Variants in GRK5 observed in about 807,000 individuals in gnomAD.
GRK5 encodes G protein-coupled receptor kinase 5, also known as g protein-coupled receptor kinase GRK5.
GRK5 carries 40 observed loss-of-function variants against 78.4 expected under a neutral mutation model. The ratio of observed to expected loss-of-function variants is 0.51; its 90% CI spans 0.40 to 0.66. GRK5 has a LOEUF of 0.66. Among genes scored for constraint, GRK5 ranks in the 30% least tolerant of loss-of-function variants. The pLI, the probability that GRK5 is intolerant of heterozygous loss-of-function variation, is 0.00. For missense variants in GRK5, 598 were observed against 759.9 expected (o/e 0.79, Z 2.50); for synonymous variants, 289 against 296.8 (o/e 0.97, Z 0.27).
chr10:119,253,812 T>G lies in GRK5; in HGVS notation c.52+45843T>G, dbSNP rs1589703579. Among the ~76,000 whole-genome samples the G allele has an allele frequency of 6.6e-6, 1 of 152,080 alleles. No individual in the cohort carries two copies. The highest frequency in any genetic ancestry group is 1.9e-4 in the East Asian group (1 of 5,158). ...CTGGGGTGGGGGGCTGGAGGTTGTT[T>G]AGTGTTTGGGTTCCTGGTGGTTCTT... On this transcript the variant is annotated intron_variant, in intron 1 of 15. Transcript: ENST00000392870. This position sits in a 1 kb window ranked among gnomAD's most constrained non-coding sequence, Gnocchi z 5.7.
chr10:119,274,240 C>T (rs1397325054), intron 1 of GRK5, among the ~76,000 whole-genome samples: 2 of 152,126 alleles, frequency 1.3e-5, no homozygotes, highest in African/African-American at 4.8e-5. Flanking sequence ...GACCCGGTGA[C>T]ATGGGAGACT....
Position 119,430,230 on chromosome 10 carries a change from A to C in GRK5, c.534-145A>C. The C allele has an allele frequency of 1.4e-6, 1 of 719,002 alleles. No individual in the cohort carries two copies. The allele number at this position is 719,002 out of a possible 1,614,324, so 44.5% of individuals were successfully genotyped here. On this transcript the variant is annotated intron_variant, in intron 6 of 15. Coordinates refer to ENST00000392870, the MANE Select transcript of GRK5 (RefSeq NM_005308.3). The surrounding 1 kb of genome is among the most constrained non-coding windows in gnomAD (Gnocchi z 4.5). Reference sequence around the variant, plus strand: ...CTAAGTCCTCGAAGGTCCAGTCTCCAGCGATGATTCCTGGGGGGTCCCTGG... The same window carrying C: ...CTAAGTCCTCGAAGGTCCAGTCTCCCGCGATGATTCCTGGGGGGTCCCTGG...
intron 2 of GRK5, among the ~76,000 whole-genome samples, chr10:119,351,167 T>C (rs1240713333): frequency 6.6e-6 from 1 of 152,194 alleles, no homozygotes; most frequent in African/African-American, 2.4e-5. Context: ...ACTGCAACAG[T>C]AATTCCACTA....
At chr10:119,443,888 C>A in intron 12 of GRK5, 136 bp downstream of exon 12, 1 of 745,606 alleles carries the variant, frequency 1.3e-6, no homozygotes, top group Non-Finnish European at 2.1e-6. Flanking sequence ...TGCAGCCCAC[C>A]AAGCTAGAGT....
chr10:119,333,959 C>A, intron 2 of GRK5: 1 of 434,674 alleles, frequency 2.3e-6, no homozygotes, highest in South Asian at 1.7e-5. Context: ...CTTAAAGGAT[C>A]TCTCTGCGAG....
chr10:119,220,696 A>T (rs1301636054), intron 1 of GRK5, among the ~76,000 whole-genome samples: 5 of 151,376 alleles, frequency 3.3e-5, no homozygotes, highest in African/African-American at 1.2e-4. Flanking sequence ...TTAGCCAGGC[A>T]TGGTGGCACG....
intron 1 of GRK5, among the ~76,000 whole-genome samples, chr10:119,275,613 GCACACACACACACACACA>G (rs796867686): frequency 5.6e-4 from 68 of 120,756 alleles, no homozygotes; most frequent in African/African-American, 1.8e-3. Flanking sequence ...TCTCTCTCTC[GCACACACACACACACACA>G]CACACACACA....
chr10:119,235,775 T>G (rs1049687031), intron 1 of GRK5, among the ~76,000 whole-genome samples: 15 of 152,204 alleles, frequency 9.9e-5, no homozygotes, highest in African/African-American at 3.6e-4. Context: ...ACAGGGCCTG[T>G]GTCTTTTTAT....
Position 119,431,319 on chromosome 10 carries a change from G to T in GRK5, c.598-68G>T. 3 of 1,536,316 alleles carry T rather than the reference G, an allele frequency of 2.0e-6. No homozygotes were observed. Among genetic ancestry groups the T allele is most frequent in the Non-Finnish European group, 2.6e-6 (3 of 1,141,588 alleles). ...TCTACCTGGGAGGCCTGTGGTCCCC[G>T]CCCTGGAGGAGCTCGGGGCAGGCCT... On this transcript the variant is annotated intron_variant, in intron 7 of 15. Coordinates refer to ENST00000392870, the MANE Select transcript of GRK5 (RefSeq NM_005308.3). This position sits in a 1 kb window ranked among gnomAD's most constrained non-coding sequence, Gnocchi z 4.8.
intron 2 of GRK5, chr10:119,335,129 C>CCCCTCTCT (rs1850852439): frequency 1.0e-4 from 1 of 9,872 alleles, no homozygotes; most frequent in Non-Finnish European, 1.8e-4. Flanking sequence ...GCCTGCCTTG[C>CCCCTCTCT]CTCTCTCTCT....
In GRK5 at chr10:119,267,974, C is replaced by T. The variant is rs368414725; in HGVS notation, c.53-58542C>T. On this transcript the variant is annotated intron_variant, in intron 1 of 15. Transcript: ENST00000392870. This position sits in a 1 kb window ranked among gnomAD's most constrained non-coding sequence, Gnocchi z 4.1. ...CCTGAGGACAAGAGGAAGAGGAGGACGGAGTCTCCCTTGTTTGTGCTGATT... is the reference window on the plus strand; with the variant it reads ...CCTGAGGACAAGAGGAAGAGGAGGATGGAGTCTCCCTTGTTTGTGCTGATT... Among the ~76,000 whole-genome samples the T allele has an allele frequency of 3.9e-5, 6 of 152,112 alleles. No individual in the cohort carries two copies. The highest frequency in any genetic ancestry group is 3.9e-4 in the East Asian group (2 of 5,192).
chr10:119,363,466 T>C lies in GRK5; in HGVS notation c.149-17349T>C, dbSNP rs148058285. Among the ~76,000 whole-genome samples the C allele has an allele frequency of 4.4e-4, 67 of 152,316 alleles. 1 individual carries two copies. Among genetic ancestry groups the C allele is most frequent in the Admixed American group, 3.3e-3 (51 of 15,306 alleles). Reference sequence around the variant, plus strand: ...GTACGTGGTTGTAGAAGGCAGAGTATAGGTTCAGCTGCTGTAGCAAAGACC... The same window carrying C: ...GTACGTGGTTGTAGAAGGCAGAGTACAGGTTCAGCTGCTGTAGCAAAGACC... On this transcript the variant is annotated intron_variant, in intron 2 of 15. Transcript: ENST00000392870.
chr10:119,382,326 T>G (rs1851725454), intron 3 of GRK5, among the ~76,000 whole-genome samples: 1 of 152,088 alleles, frequency 6.6e-6, no homozygotes, highest in African/African-American at 2.4e-5. Context: ...TAGAAACACC[T>G]GGGGAGCCTT....
In GRK5 at chr10:119,431,743, C is replaced by T. The variant is rs796192047; in HGVS notation, c.738+216C>T. ...GCTGGCTTTGTCCCATCCCCAGAGCCGGCCAGTGCCTGGCTCCCTGCTGTG... is the reference window on the plus strand; with the variant it reads ...GCTGGCTTTGTCCCATCCCCAGAGCTGGCCAGTGCCTGGCTCCCTGCTGTG... On this transcript the variant is annotated intron_variant, in intron 8 of 15. Coordinates refer to ENST00000392870, the MANE Select transcript of GRK5 (RefSeq NM_005308.3). The surrounding 1 kb of genome is among the most constrained non-coding windows in gnomAD (Gnocchi z 4.8). 3.0e-4 allele frequency among the ~76,000 whole-genome samples: 45 copies of T among 152,340 alleles called. 1 individual carries two copies. Among genetic ancestry groups the T allele is most frequent in the African/African-American group, 1.0e-3 (42 of 41,584 alleles).
intron 6 of GRK5, among the ~76,000 whole-genome samples, chr10:119,427,720 A>T (rs1015077709): frequency 2.2e-5 from 3 of 134,780 alleles, no homozygotes; most frequent in Non-Finnish European, 4.5e-5. Flanking sequence ...CATCATTAGT[A>T]TCACCACCAT....
chr10:119,299,615 G>T (rs1294277048), intron 1 of GRK5, among the ~76,000 whole-genome samples: 1 of 152,056 alleles, frequency 6.6e-6, no homozygotes, highest in African/African-American at 2.4e-5. Context: ...ATCCTGCAGG[G>T]TCCTGTTGAA....
At chr10:119,231,266 C>A (rs1173290629) in intron 1 of GRK5, among the ~76,000 whole-genome samples, 1 of 152,078 alleles carries the variant, frequency 6.6e-6, no homozygotes, top group Non-Finnish European at 1.5e-5. Flanking sequence ...ATGATCTGGA[C>A]AGACATTTCT....
At chr10:119,390,997 C>T (rs1292062626) in intron 3 of GRK5, among the ~76,000 whole-genome samples, 1 of 151,536 alleles carries the variant, frequency 6.6e-6, no homozygotes, top group Non-Finnish European at 1.5e-5. Flanking sequence ...GCCCCCCTTC[C>T]CTCCTGCCTT....
intron 4 of GRK5, among the ~76,000 whole-genome samples, chr10:119,408,369 A>G (rs1310797449): frequency 7.2e-6 from 1 of 138,978 alleles, no homozygotes; most frequent in Non-Finnish European, 1.6e-5. Flanking sequence ...AAAAAGGCAG[A>G]AAACACAGAT....
Sources: allele counts gnomAD v4.1 joint callset (sites outside exome capture counted in the v4.1 genomes callset), GRCh38; gene constraint gnomAD v4.1.1; non-coding constraint Gnocchi (gnomAD v3.1); transcripts MANE v1.5; gene names NCBI Gene and HGNC (gene_info 2026-07-23, HGNC 2026-07-21).